The following CAMTA1 variants were observed in gnomAD, a reference collection of about 807,000 sequenced individuals.
The protein encoded by CAMTA1 is calmodulin binding transcription activator 1.
CAMTA1 carries 27 observed loss-of-function variants against 170.9 expected under a neutral mutation model. The ratio of observed to expected loss-of-function variants is 0.16; its 90% confidence interval spans 0.12 to 0.22. The LOEUF (loss-of-function observed/expected upper bound fraction) is 0.22. Among genes scored for constraint, CAMTA1 ranks in the 10% least tolerant of loss-of-function variants. CAMTA1 has a pLI of 1.00. For missense variants in CAMTA1, 1,619 were observed against 2,217.2 expected (o/e 0.73, Z 5.42); for synonymous variants, 833 against 891.5 (o/e 0.93, Z 1.17).
rs2096189047 is a variant in CAMTA1 at position 7,680,840 on chromosome 1, A to ACGCG, written c.2914+3108_2914+3109insGCGC. ...GGGGCGTGGGTCCGGGGCGCAGAGAACACGCGCGCGCGCGCGCGCGCCAGC... is the reference window on the plus strand; with the variant it reads ...GGGGCGTGGGTCCGGGGCGCAGAGAACGCGCACGCGCGCGCGCGCGCGCGCCAGC... On this transcript the variant is annotated intron_variant, in intron 11 of 22. Transcript: ENST00000303635. The surrounding 1 kb of genome is among the most constrained non-coding windows in gnomAD (Gnocchi z 4.4). Among the ~76,000 whole-genome samples the ACGCG allele has an allele frequency of 3.9e-5, 5 of 127,402 alleles. No homozygotes were observed. The highest frequency in any genetic ancestry group is 2.1e-4 in the East Asian group (1 of 4,732). The allele number at this position is 127,402 out of a possible 152,430, so 83.6% of individuals were successfully genotyped here.
intron 5 of CAMTA1, among the ~76,000 whole-genome samples, chr1:7,432,833 G>A (rs763463513): frequency 6.6e-6 from 1 of 152,202 alleles, no homozygotes; most frequent in East Asian, 1.9e-4. Context: ...GATTATTTAC[G>A]GCCTTGTTTA....
rs917925567 is a variant in CAMTA1, at chr1:7,104,091, CACAT to C, written c.302+12724_302+12727del. On this transcript the variant is annotated intron_variant, in intron 4 of 22. Transcript: ENST00000303635. Reference sequence around the variant, plus strand: ...ACACTACACAGATGTACACACAACACACATACACAACTACACACATGTACACACA... The same window carrying C: ...ACACTACACAGATGTACACACAACACACACAACTACACACATGTACACACA... Among the ~76,000 whole-genome samples the C allele has an allele frequency of 8.1e-5, 12 of 148,906 alleles. No individual in the cohort carries two copies. The East Asian group carries it at 1.2e-3, about 15-fold the overall frequency.
At chr1:7,671,976 C>T (rs1056571688) in intron 10 of CAMTA1, 1 of 455,842 alleles carries the variant, frequency 2.2e-6, no homozygotes, top group Non-Finnish European at 4.4e-6. Flanking sequence ...GCATCTGAAG[C>T]CTGTTTCTAG....
Position 7,683,814 on chromosome 1 carries a change from G to A in CAMTA1, c.2914+6081G>A, listed in dbSNP as rs536124815. 1.1e-4 allele frequency among the ~76,000 whole-genome samples: 16 copies of A among 152,354 alleles called. No individual in the cohort carries two copies. In the South Asian group the frequency reaches 3.1e-3, roughly 30 times the overall value. Reference sequence around the variant, plus strand: ...TCCGTCATTATACATTGCGGTGGGTGTCTGTCAGCTTGGGTGCATGTGCTC... The same window carrying A: ...TCCGTCATTATACATTGCGGTGGGTATCTGTCAGCTTGGGTGCATGTGCTC... On this transcript the variant is annotated intron_variant, in intron 11 of 22. Transcript: ENST00000303635.
chr1:7,393,816 A>G (rs1342716241), intron 5 of CAMTA1, among the ~76,000 whole-genome samples: 1 of 152,064 alleles, frequency 6.6e-6, no homozygotes, highest in Non-Finnish European at 1.5e-5. Context: ...CTTTTATCTA[A>G]CTGTATTTTT....
At chr1:7,542,148 T>C (rs1311578917) in intron 6 of CAMTA1, among the ~76,000 whole-genome samples, 1 of 152,190 alleles carries the variant, frequency 6.6e-6, no homozygotes, top group Non-Finnish European at 1.5e-5. Flanking sequence ...GGCGTACTCA[T>C]AGTAGAACAT....
At chr1:7,131,740 T>C (rs1395392356) in intron 4 of CAMTA1, among the ~76,000 whole-genome samples, 5 of 152,124 alleles carry the variant, frequency 3.3e-5, no homozygotes, top group Admixed American at 6.5e-5. Flanking sequence ...TTACAACATG[T>C]ATTCAAATCA....
At chr1:7,097,061 T>C (rs753866481) in intron 4 of CAMTA1, among the ~76,000 whole-genome samples, 5 of 152,204 alleles carry the variant, frequency 3.3e-5, no homozygotes, top group Admixed American at 6.5e-5. Context: ...TGCCCTCATG[T>C]CCAATCTGGT....
At chr1:6,871,912 A>G in intron 3 of CAMTA1, 1 of 1,363,670 alleles carries the variant, frequency 7.3e-7, no homozygotes, top group Non-Finnish European at 9.4e-7. Context: ...TTCATCTTTC[A>G]AAGTGTAACA....
intron 6 of CAMTA1, among the ~76,000 whole-genome samples, chr1:7,620,433 G>A (rs2095590065): frequency 6.6e-6 from 1 of 152,214 alleles, no homozygotes; most frequent in Non-Finnish European, 1.5e-5. Flanking sequence ...AAGGGAGAGA[G>A]GAGGTGGCTT....
chr1:7,019,253 A>G (rs953522560), intron 3 of CAMTA1, among the ~76,000 whole-genome samples: 3 of 152,358 alleles, frequency 2.0e-5, no homozygotes, highest in African/African-American at 4.8e-5. Flanking sequence ...CAGCCTCTGC[A>G]AAGGTCTTCT....
intron 3 of CAMTA1, among the ~76,000 whole-genome samples, chr1:6,919,870 C>A (rs1435207428): frequency 6.6e-6 from 1 of 151,672 alleles, no homozygotes; most frequent in Non-Finnish European, 1.5e-5. Flanking sequence ...AAAGACCCAC[C>A]CCCCTAATTC....
chr1:7,159,045 A>T (rs1647053549), intron 4 of CAMTA1, among the ~76,000 whole-genome samples: 1 of 152,078 alleles, frequency 6.6e-6, no homozygotes. Flanking sequence ...CTTTCTATGT[A>T]TGAAGTGTTA....
intron 3 of CAMTA1, among the ~76,000 whole-genome samples, chr1:6,948,302 C>A (rs1313582168): frequency 6.6e-6 from 1 of 152,120 alleles, no homozygotes; most frequent in South Asian, 2.1e-4. Flanking sequence ...TACCAGCCAA[C>A]CTGGTGGATG....
chr1:7,625,984 A>G (rs2095630797), intron 6 of CAMTA1, among the ~76,000 whole-genome samples: 1 of 152,230 alleles, frequency 6.6e-6, no homozygotes, highest in Admixed American at 6.5e-5. Context: ...TAACAAAAAG[A>G]AAAACTGTAT....
intron 1 of CAMTA1, among the ~76,000 whole-genome samples, chr1:6,805,283 TTGAGCATCTGTTCA>T (rs1644385404): frequency 6.6e-6 from 1 of 152,216 alleles, no homozygotes; most frequent in Admixed American, 6.5e-5. Flanking sequence ...ACTAATGATG[TTGAGCATCTGTTCA>T]TGAGCTTATT....
chr1:7,077,850 T>C (rs1272512465), intron 3 of CAMTA1, among the ~76,000 whole-genome samples: 1 of 152,156 alleles, frequency 6.6e-6, no homozygotes, highest in Admixed American at 6.5e-5. Context: ...TCTGCTACCA[T>C]GAAAGCCTTT....
intron 6 of CAMTA1, among the ~76,000 whole-genome samples, chr1:7,499,939 G>T (rs2093954325): frequency 7.3e-6 from 1 of 137,386 alleles, no homozygotes; most frequent in African/African-American, 2.8e-5. Flanking sequence ...GTGCAGAGAG[G>T]ATGAGTGTGT....
rs151249312 is a variant in CAMTA1, at chr1:7,042,579, C to T, written c.235-48725C>T. 9.1e-3 allele frequency among the ~76,000 whole-genome samples: 1,383 copies of T among 152,336 alleles called. 10 individuals carry two copies. Among genetic ancestry groups the T allele is most frequent in the Non-Finnish European group, 0.014 (973 of 68,030 alleles). On this transcript the variant is annotated intron_variant, in intron 3 of 22. Coordinates refer to ENST00000303635, the MANE Select transcript of CAMTA1 (RefSeq NM_015215.4). ...AAAAACCTCCCTGAGCCCGTGCCCT[C>T]TAAGCCTGGCATTGAGATGCCACCA...
Sources: gnomAD v4.1 joint callset for allele counts (sites outside exome capture counted in the v4.1 genomes callset) on GRCh38, gnomAD v4.1.1 for gene constraint, Gnocchi (gnomAD v3.1) non-coding constraint, MANE v1.5 for transcripts, NCBI Gene and HGNC (gene_info 2026-07-23, HGNC 2026-07-21) for gene names.